Variants in PLPP5 observed in about 807,000 individuals in gnomAD.
The protein encoded by PLPP5 is diacylglycerol pyrophosphate like 1.
PLPP5 carries 29 observed loss-of-function variants against 23.6 expected under a neutral mutation model. That is an observed-to-expected ratio of 1.23 (90% CI 0.92 to 1.68). The LOEUF (loss-of-function observed/expected upper bound fraction) is 1.68, where lower values mean the gene tolerates loss of function less well. Among genes scored for constraint, PLPP5 ranks in the 40% most tolerant of loss-of-function variants. The pLI, the probability that PLPP5 is intolerant of heterozygous loss-of-function variation, is 0.00. For synonymous variants in PLPP5, 143 were observed against 131.3 expected, an observed-to-expected ratio of 1.09 and a Z score of -0.61; for missense variants, 315 against 332.1, an observed-to-expected ratio of 0.95 and a Z score of 0.40.
At chr8:38,268,766 C>T (rs1808154762) in intron 2 of PLPP5, 116 bp downstream of exon 2, 2 of 1,438,178 alleles carry the variant, frequency 1.4e-6, no homozygotes, top group South Asian at 1.5e-5. Context: ...ACCCAGCGCA[C>T]AGCAGCGGAG....
intron 6 of PLPP5, chr8:38,264,992 G>T: frequency 7.1e-7 from 1 of 1,402,378 alleles, no homozygotes; most frequent in Non-Finnish European, 1.0e-6. Flanking sequence ...CTTCTCGCCG[G>T]GCACGGTGAC....
intron 5 of PLPP5, 85 bp from the exon 6 acceptor site, chr8:38,266,396 G>T: frequency 8.1e-7 from 1 of 1,233,946 alleles, no homozygotes; most frequent in Non-Finnish European, 1.1e-6. Context: ...GGAAGCATGA[G>T]TATGTTTTTA....
chr8:38,269,023 G>A (rs376411311), intron 1 of PLPP5, 33 bp from the exon 2 acceptor site: 3 of 1,542,796 alleles, frequency 1.9e-6, no homozygotes, highest in African/African-American at 1.4e-5. Context: ...AGAGCAGGTC[G>A]CCTGGCTTCC....
chr8:38,267,804 A>C, intron 4 of PLPP5, 93 bp downstream of exon 4: 3 of 1,262,866 alleles, frequency 2.4e-6, no homozygotes, highest in Non-Finnish European at 2.3e-6. Context: ...GGAGAAAAGA[A>C]TGAGAAAGAC....
Position 38,264,501 on chromosome 8 carries a change from G to A in PLPP5, c.738C>T (p.Asp246=), listed in dbSNP as rs891716019. 8 of 1,555,782 alleles carry A rather than the reference G, an allele frequency of 5.1e-6. No homozygotes were observed. Among genetic ancestry groups the A allele is most frequent in the African/African-American group, 2.7e-5 (2 of 73,438 alleles). The change falls in exon 7 of 7, where the codon GAC becomes GAT. Residue 246 remains aspartate, a synonymous_variant. Transcript: ENST00000424479. ...TCTGTGCAGTGGAAAGTACAAGTTT[G>A]TCTTGAAATGGTTTATGGCATTCTG... ...TDAECHKPFQ[D]KLVLSTAQKP... is the part of the protein sequence containing the mutation.
At position 38,267,815 on chromosome 8, in the gene PLPP5, G is replaced by A. The variant is rs1807895221; in HGVS notation, c.338+82C>T. The A allele has an allele frequency of 1.1e-5, 15 of 1,316,398 alleles. No individual in the cohort carries two copies. The Admixed American group carries it at 2.0e-4, about 17-fold the overall frequency. 81.5% of individuals were successfully genotyped at this position (1,316,398 alleles called of 1,614,324 possible). On this transcript the variant is annotated intron_variant, in intron 4 of 6. Transcript: ENST00000424479. ...TAAAGGAGAAAAGAATGAGAAAGAC[G>A]TGTGGTGGACACCATTAACCTCTCT...
intron 6 of PLPP5, chr8:38,265,205 G>A (rs1280734826): frequency 2.1e-5 from 8 of 373,060 alleles, no homozygotes; most frequent in South Asian, 3.8e-5. Flanking sequence ...GGTGGAGGTT[G>A]CAGTGAGCCG....
rs1808195655 is a variant in PLPP5, at chr8:38,268,882, A to G, written c.183T>C (p.Phe61=). 6.4e-7 allele frequency: 1 copy of G among 1,552,540 alleles called. No homozygotes were observed. The highest frequency in any genetic ancestry group is 2.4e-5 in the East Asian group (1 of 42,486). The stretch of plus-strand genomic sequence containing the variant: ...GGAAAGACGATCTTTCTCCACGCAC[A>G]AACATCGGCTTGGTGGGGAAATACT... ...EAEYFPTKPM[F]VIAFLSPLSL... The change falls in exon 2 of 7, where the codon TTT becomes TTC. Residue 61 remains phenylalanine, a splice_region_variant and synonymous_variant. Transcript: ENST00000424479.
rs1275847802 is a variant in PLPP5 at position 38,264,609 on chromosome 8, A to G, written c.635-5T>C. 1 of 1,587,246 alleles carries G rather than the reference A, an allele frequency of 6.3e-7. No homozygotes were observed. Among genetic ancestry groups the G allele is most frequent in the Non-Finnish European group, 8.6e-7 (1 of 1,166,844 alleles). On this transcript the variant is annotated splice_region_variant and splice_polypyrimidine_tract_variant and intron_variant, in intron 6 of 6. Transcript: ENST00000424479. ...TCATGGATCCAACTAGTACATCTGA[A>G]GAGAGTGGAAACAAGGTCTTCTCTT...
intron 6 of PLPP5, chr8:38,264,808 T>C: frequency 6.5e-7 from 1 of 1,543,000 alleles, no homozygotes; most frequent in Non-Finnish European, 8.7e-7. Flanking sequence ...GGTTGCTTTC[T>C]GAACACCAAA....
At chr8:38,268,251 A>T in intron 3 of PLPP5, 120 bp downstream of exon 3, 1 of 1,090,986 alleles carries the variant, frequency 9.2e-7, no homozygotes, top group South Asian at 1.5e-5. Context: ...CCGCGGGGAT[A>T]GAGTTCCTTT....
In PLPP5 at chr8:38,267,894, T is replaced by C; in HGVS notation, c.338+3A>G. ...GCTGGGGTGGTTAGCTGTTGTCACT[T>C]ACCTCCCTACGATCAGTTTTATTGT... On this transcript the variant is annotated splice_donor_region_variant and intron_variant, in intron 4 of 6. Transcript: ENST00000424479. 6.2e-7 allele frequency: 1 copy of C among 1,613,950 alleles called. No individual in the cohort carries two copies. Among genetic ancestry groups the C allele is most frequent in the Non-Finnish European group, 8.5e-7 (1 of 1,179,808 alleles).
At chr8:38,267,738 G>C (rs893101409) in intron 4 of PLPP5, 159 bp downstream of exon 4, 1 of 759,092 alleles carries the variant, frequency 1.3e-6, no homozygotes, top group Non-Finnish European at 2.1e-6. Flanking sequence ...GAGGACTGAG[G>C]TATGGGGAAG....
At chr8:38,265,081 A>G (rs1807378913) in intron 6 of PLPP5, 1 of 683,304 alleles carries the variant, frequency 1.5e-6, no homozygotes, top group African/African-American at 1.8e-5. Flanking sequence ...AGCCTGACCA[A>G]CAAGTGAAAC....
In PLPP5 at chr8:38,269,014, G is replaced by A. The variant is rs769400725; in HGVS notation, c.75-24C>T. The A allele has an allele frequency of 7.7e-6, 12 of 1,558,174 alleles. 1 individual carries two copies. In the South Asian group the frequency reaches 1.3e-4, roughly 17 times the overall value. ...CCCTAGAGGGGAACAAAGAAGCGCA[G>A]AGCAGGTCGCCTGGCTTCCTCCCCG... On this transcript the variant is annotated intron_variant, in intron 1 of 6. Coordinates refer to ENST00000424479, the MANE Select transcript of PLPP5 (RefSeq NM_001102559.2).
Position 38,267,928 on chromosome 8 carries a change from A to G in PLPP5, c.307T>C (p.Phe103Leu), listed in dbSNP as rs767174535. ...ASLALALNGV[F>L]TNTIKLIVGR... The stretch of plus-strand genomic sequence containing the variant: ...ACGATCAGTTTTATTGTGTTGGTAA[A>G]GACGCCATTCAGAGCCAGGGCAAGG... Residue 103 changes from phenylalanine to leucine, a missense_variant, in exon 4 of 7, where the codon TTT becomes CTT. Physicochemically the swap from Phe to Leu is conservative, Grantham distance 22. Coordinates refer to ENST00000424479, the MANE Select transcript of PLPP5 (RefSeq NM_001102559.2). 6.2e-7 allele frequency: 1 copy of G among 1,613,996 alleles called. No individual in the cohort carries two copies. The highest frequency in any genetic ancestry group is 8.5e-7 in the Non-Finnish European group (1 of 1,179,900).
rs577885037 is a variant in PLPP5 at position 38,265,137 on chromosome 8, G to C, written c.635-533C>G. On this transcript the variant is annotated intron_variant, in intron 6 of 6. Coordinates refer to ENST00000424479, the MANE Select transcript of PLPP5 (RefSeq NM_001102559.2). ...AAAAATTAGCCGGGCGTGGTGGCAT[G>C]TGCCTGTAATCCCAGATACTCAGGA... 2,257 of 546,888 alleles carry C rather than the reference G, an allele frequency of 4.1e-3. 8 individuals carry two copies. The highest frequency in any genetic ancestry group is 5.2e-3 in the Non-Finnish European group (1,580 of 306,588). 33.9% of individuals were successfully genotyped at this position (546,888 alleles called of 1,614,324 possible). A position where few individuals can be genotyped will look rare whatever the true frequency, so the allele number is the denominator to read the frequency against.
At chr8:38,264,950 C>T (rs1807350901) in intron 6 of PLPP5, 1 of 1,601,016 alleles carries the variant, frequency 6.2e-7, no homozygotes, top group Non-Finnish European at 8.6e-7. Context: ...TTAAAGGGTC[C>T]TAGAGGAAGG....
chr8:38,264,300 C>T lies in PLPP5; in HGVS notation c.*144G>A. 1 of 775,670 alleles carries T rather than the reference C, an allele frequency of 1.3e-6. No individual in the cohort carries two copies. 48.0% of individuals were successfully genotyped at this position (775,670 alleles called of 1,614,324 possible). A position where few individuals can be genotyped will look rare whatever the true frequency, so the allele number is the denominator to read the frequency against. ...GTAGCTGGGATTACGGCACACAACTCCTGGCTAATTTTTGTATTTTTAGTA... is the reference window on the plus strand; with the variant it reads ...GTAGCTGGGATTACGGCACACAACTTCTGGCTAATTTTTGTATTTTTAGTA... On this transcript the variant is annotated 3_prime_UTR_variant, in exon 7 of 7. Transcript: ENST00000424479.
Sources: allele counts gnomAD v4.1 joint callset, GRCh38; gene constraint gnomAD v4.1.1; transcripts MANE v1.5; gene names NCBI Gene and HGNC (gene_info 2026-07-23, HGNC 2026-07-21).